Variants in EYA3 observed in about 807,000 individuals in gnomAD.
The protein encoded by EYA3 is protein phosphatase EYA3.
Under a neutral mutation model 80.0 loss-of-function variants are expected in EYA3, and 39 were observed. The ratio of observed to expected loss-of-function variants is 0.49; its 90% CI spans 0.38 to 0.64. The LOEUF (loss-of-function observed/expected upper bound fraction) is 0.64, where lower values mean the gene tolerates loss of function less well. EYA3 is among the 30% of genes least tolerant of loss of function. The probability of loss-of-function intolerance (pLI) is 0.00; values close to 1 mark genes in which losing one functional copy is unlikely to be tolerated. For synonymous variants in EYA3, 206 were observed against 232.8 expected, an observed-to-expected ratio of 0.88 and a Z score of 1.05; for missense variants, 523 against 676.1, an observed-to-expected ratio of 0.77 and a Z score of 2.51.
chr1:28,021,348 A>G (rs1013408972), intron 7 of EYA3, among the ~76,000 whole-genome samples: 2 of 152,072 alleles, frequency 1.3e-5, no homozygotes, highest in African/African-American at 4.8e-5. Flanking sequence ...TATTAAAACC[A>G]AGACCTTTTC....
intron 3 of EYA3, among the ~76,000 whole-genome samples, chr1:28,044,088 A>T (rs1453157335): frequency 2.0e-5 from 3 of 152,208 alleles, no homozygotes; most frequent in African/African-American, 7.2e-5. Flanking sequence ...ATTATGTTAG[A>T]TAGTTTAATG....
At chr1:28,085,416 T>C (rs948569974) in intron 1 of EYA3, among the ~76,000 whole-genome samples, 3 of 152,164 alleles carry the variant, frequency 2.0e-5, no homozygotes, top group African/African-American at 4.8e-5. Flanking sequence ...GCCACTGCAC[T>C]ACAGCCTGGC....
chr1:28,073,127 A>ATATATATATATATATATATTT (rs1553157671), intron 1 of EYA3, among the ~76,000 whole-genome samples: 2 of 14,996 alleles, frequency 1.3e-4, no homozygotes, highest in Admixed American at 7.2e-4. Flanking sequence ...ATATATATAT[A>ATATATATATATATATATATTT]TTTTTTTTTT....
intron 3 of EYA3, among the ~76,000 whole-genome samples, chr1:28,043,675 T>C (rs1643899346): frequency 6.6e-6 from 1 of 152,102 alleles, no homozygotes; most frequent in South Asian, 2.1e-4. Flanking sequence ...CCGTCTCTAC[T>C]AAAAATACAA....
intron 6 of EYA3, among the ~76,000 whole-genome samples, chr1:28,029,852 C>T (rs1194282359): frequency 6.6e-6 from 1 of 152,076 alleles, no homozygotes; most frequent in Non-Finnish European, 1.5e-5. Context: ...ACCTCAGCCT[C>T]CCAAAGTGTT....
At chr1:27,985,608 G>A (rs1360238887) in intron 16 of EYA3, among the ~76,000 whole-genome samples, 1 of 152,024 alleles carries the variant, frequency 6.6e-6, no homozygotes, top group African/African-American at 2.4e-5. Flanking sequence ...TTGAGGTGGA[G>A]TCTCGCTCTG....
At chr1:28,017,520 T>C (rs1181377123) in intron 7 of EYA3, among the ~76,000 whole-genome samples, 3 of 152,200 alleles carry the variant, frequency 2.0e-5, no homozygotes, top group Non-Finnish European at 4.4e-5. Context: ...ACTAATAATA[T>C]CAATGAAATC....
chr1:28,070,051 G>A (rs185221270), intron 1 of EYA3, among the ~76,000 whole-genome samples: 1 of 152,276 alleles, frequency 6.6e-6, no homozygotes, highest in Non-Finnish European at 1.5e-5. Context: ...CAGACTTCTG[G>A]CCTCCAGAAG....
rs557229196 is a variant in EYA3, at chr1:28,088,559, G to A, written c.-104C>T. On this transcript the variant is annotated 5_prime_UTR_variant, in exon 1 of 18. Coordinates refer to ENST00000373871, the MANE Select transcript of EYA3 (RefSeq NM_001990.4). Reference sequence around the variant, plus strand: ...TAAAAGCCCCACAACAGGACATGGAGATCAGTCCAGACCCACAGTAGAACC... The same window carrying A: ...TAAAAGCCCCACAACAGGACATGGAAATCAGTCCAGACCCACAGTAGAACC... 2.6e-5 allele frequency: 4 copies of A among 153,006 alleles called. No homozygotes were observed. The East Asian group carries it at 7.7e-4, about 29-fold the overall frequency. The allele number at this position is 153,006 out of a possible 1,614,324, so 9.5% of individuals were successfully genotyped here.
At position 28,081,790 on chromosome 1, in the gene EYA3, C is replaced by T. The variant is rs186741606; in HGVS notation, c.-69+6734G>A. Among the ~76,000 whole-genome samples the T allele has an allele frequency of 4.4e-3, 666 of 152,198 alleles. 3 individuals are homozygous for T. Among genetic ancestry groups the T allele is most frequent in the African/African-American group, 0.014 (592 of 41,532 alleles). On this transcript the variant is annotated intron_variant, in intron 1 of 17. Transcript: ENST00000373871. ...AAAGCTAATCATTCTAATGTATTCC[C>T]GTAGTAACGGTGCTGATAGCAACTA...
intron 1 of EYA3, among the ~76,000 whole-genome samples, chr1:28,063,826 A>G (rs1279447267): frequency 6.6e-6 from 1 of 152,194 alleles, no homozygotes; most frequent in East Asian, 1.9e-4. Flanking sequence ...AATGTTGCAT[A>G]TACACAACTA....
At chr1:28,004,243 G>A in intron 11 of EYA3, 93 bp downstream of exon 11, 2 of 855,676 alleles carry the variant, frequency 2.3e-6, no homozygotes, top group South Asian at 1.9e-5. Flanking sequence ...CCAGCCAACA[G>A]GGGTAGCAGA....
chr1:27,982,679 G>A (rs554435824), intron 16 of EYA3, among the ~76,000 whole-genome samples: 3 of 151,724 alleles, frequency 2.0e-5, no homozygotes, highest in African/African-American at 4.8e-5. Flanking sequence ...TATAATCTCC[G>A]CCTCCTGGGT....
At position 27,993,444 on chromosome 1, in the gene EYA3, C is replaced by T. The variant is rs371287659; in HGVS notation, c.1259G>A (p.Arg420Gln). ...CTTATCATAGATTTCTCTCACTTTC[C>T]GGTAGCGGAAAGCTAGTTTCCTCAT... Reference protein sequence around the residue: ...DWMRKLAFRYRKVREIYDKHK... With the variant: ...DWMRKLAFRYQKVREIYDKHK... Residue 420 changes from arginine to glutamine, a missense_variant, in exon 14 of 18, where the codon CGG (arginine) becomes CAG (glutamine). Arg to Gln is a conservative substitution (Grantham distance 43). Around this residue, in one of 2 missense-constraint regions of EYA3, gnomAD observed 219 missense variants for 332.8 expected, o/e 0.66. Transcript: ENST00000373871. 2.5e-5 allele frequency: 41 copies of T among 1,613,340 alleles called. No homozygotes were observed. Among genetic ancestry groups the T allele is most frequent in the Non-Finnish European group, 2.9e-5 (34 of 1,179,756 alleles).
At chr1:28,004,531 CA>C (rs2148769241) in intron 10 of EYA3, 112 bp from the exon 11 acceptor site, 1 of 685,312 alleles carries the variant, frequency 1.5e-6, no homozygotes, top group East Asian at 2.7e-5. Flanking sequence ...AGGAATTAAA[CA>C]ATACAATCCT....
chr1:27,982,977 C>T (rs1040282182), intron 16 of EYA3, among the ~76,000 whole-genome samples: 1 of 152,124 alleles, frequency 6.6e-6, no homozygotes, highest in Non-Finnish European at 1.5e-5. Context: ...TGTTCATGGA[C>T]AGGTTTACAG....
rs1195870583 is a variant in EYA3 at position 28,035,475 on chromosome 1, A to ATGGC, written c.361+65_361+68dup. The stretch of plus-strand genomic sequence containing the variant: ...CTAAGTGCTTTGTAAAGAATGATGC[A>ATGGC]TGGCTGATCAAAGTTTCTGCGGAAT... On this transcript the variant is annotated intron_variant, in intron 6 of 17. Coordinates refer to ENST00000373871, the MANE Select transcript of EYA3 (RefSeq NM_001990.4). 4 of 1,562,362 alleles carry ATGGC rather than the reference A, an allele frequency of 2.6e-6. No homozygotes were observed. In the African/African-American group the frequency reaches 5.4e-5, roughly 21 times the overall value.
chr1:28,032,734 T>C (rs1259018493), intron 6 of EYA3, among the ~76,000 whole-genome samples: 3 of 152,216 alleles, frequency 2.0e-5, no homozygotes, highest in Non-Finnish European at 2.9e-5. Flanking sequence ...TCAGTATTTC[T>C]TTACTTTAAA....
chr1:28,048,389 G>C lies in EYA3; in HGVS notation c.71C>G (p.Thr24Ser), dbSNP rs1644111728. 4 of 1,609,524 alleles carry C rather than the reference G, an allele frequency of 2.5e-6. No individual in the cohort carries two copies. Among genetic ancestry groups the C allele is most frequent in the Non-Finnish European group, 2.5e-6 (3 of 1,177,896 alleles). ...GAAAGCAAACTTTACATACCTTATA[G>C]TTTGCTCTCCTGATTCCTGCATCTT... ...KAKMQESGEQ[T>S]ISQVSNPDVS... is the part of the protein sequence containing the mutation. The change falls in exon 3 of 18, where the codon ACT (threonine) becomes AGT (serine). Residue 24 changes from threonine to serine, a missense_variant. Physicochemically the swap from Thr to Ser is moderately conservative, Grantham distance 58. Coordinates refer to ENST00000373871, the MANE Select transcript of EYA3 (RefSeq NM_001990.4).
Sources: gnomAD v4.1 joint callset for allele counts (sites outside exome capture counted in the v4.1 genomes callset) on GRCh38, gnomAD v4.1.1 for gene constraint, gnomAD v4.1.1 regional missense constraint, MANE v1.5 for transcripts, NCBI Gene and HGNC (gene_info 2026-07-23, HGNC 2026-07-21) for gene names.